The following DGKK variants were observed in gnomAD, a reference collection of about 807,000 sequenced individuals.
DGKK encodes 142 kDa diacylglycerol kinase.
Under a neutral mutation model 92.2 loss-of-function variants are expected in DGKK, and 35 were observed. The ratio of observed to expected loss-of-function variants is 0.38; its 90% CI spans 0.29 to 0.50. DGKK has a LOEUF of 0.50. Among genes scored for constraint, DGKK ranks in the 20% least tolerant of loss-of-function variants. The pLI is 0.92. For synonymous variants in DGKK, 368 were observed against 360.6 expected, an observed-to-expected ratio of 1.02 and a Z score of -0.23; for missense variants, 910 against 992.2, an observed-to-expected ratio of 0.92 and a Z score of 1.11.
chrX:50,426,461 C>T (rs1430792022), intron 1 of DGKK, among the ~76,000 whole-genome samples: 13 of 111,896 alleles, frequency 1.2e-4, no homozygotes, highest in African/African-American at 3.6e-4. Context: ...AATGATATTA[C>T]TATGAGCAAG....
intron 2 of DGKK, among the ~76,000 whole-genome samples, chrX:50,422,872 C>G (rs1925634739): frequency 8.9e-6 from 1 of 112,026 alleles, no homozygotes; most frequent in South Asian, 3.8e-4. Flanking sequence ...TAACTAGAGT[C>G]CTAGAGAAAC....
At chrX:50,380,853 G>T (rs782373552) in intron 18 of DGKK, among the ~76,000 whole-genome samples, 2 of 111,703 alleles carry the variant, frequency 1.8e-5, no homozygotes, top group Non-Finnish European at 3.8e-5. Context: ...CAAAATTATT[G>T]AGACACTGTT....
chrX:50,387,296 C>A (rs1403607706), intron 14 of DGKK, among the ~76,000 whole-genome samples: 5 of 111,635 alleles, frequency 4.5e-5, no homozygotes, highest in Admixed American at 9.5e-5. Context: ...CACATACCTG[C>A]TTGATGTACA....
chrX:50,376,145 A>C lies in DGKK; in HGVS notation c.3293T>G (p.Ile1098Ser). The stretch of plus-strand genomic sequence containing the variant: ...CATGAGGACAGACACATGCTGGTGG[A>C]TCTTGCTCAGGTCATTAAGTCTGTA... ...LISKLNDLSK[I>S]HQHVSVLMGS... Residue 1098 changes from isoleucine to serine, a missense_variant, in exon 24 of 28, where the codon ATC (isoleucine) becomes AGC (serine). Transcript: ENST00000611977. 1 of 1,210,881 alleles carries C rather than the reference A, an allele frequency of 8.3e-7. No individual in the cohort carries two copies.
At chrX:50,403,014 T>C in intron 7 of DGKK, 47 bp downstream of exon 7, 1 of 1,194,905 alleles carries the variant, frequency 8.4e-7, no homozygotes, top group Non-Finnish European at 1.1e-6. Flanking sequence ...AGCCACTCCC[T>C]CGCCAGGAGT....
intron 8 of DGKK, among the ~76,000 whole-genome samples, chrX:50,396,259 T>C (rs1470970973): frequency 8.9e-6 from 1 of 111,954 alleles, no homozygotes; most frequent in African/African-American, 3.2e-5. Flanking sequence ...TATCTATTTA[T>C]ATTTACTGGT....
chrX:50,384,357 G>T, intron 16 of DGKK, 93 bp from the exon 17 acceptor site: 1 of 576,271 alleles, frequency 1.7e-6, no homozygotes, highest in African/African-American at 2.3e-5. Context: ...TGTGGAGGCA[G>T]GGTCAAGCTC....
intron 1 of DGKK, among the ~76,000 whole-genome samples, chrX:50,454,877 A>G (rs1219229947): frequency 8.9e-6 from 1 of 112,036 alleles, no homozygotes; most frequent in African/African-American, 3.2e-5. Context: ...TTACAAGAAA[A>G]GCCTCCTCCA....
chrX:50,387,094 G>A (rs947566248), intron 14 of DGKK, among the ~76,000 whole-genome samples: 1 of 111,328 alleles, frequency 9.0e-6, no homozygotes, highest in Non-Finnish European at 1.9e-5. Flanking sequence ...TTTCTTAACC[G>A]CTTTGTGCCT....
intron 9 of DGKK, among the ~76,000 whole-genome samples, chrX:50,392,940 T>C (rs139884506): frequency 0.023 from 2,547 of 112,506 alleles, 65 homozygotes; most frequent in African/African-American, 0.078. Context: ...GGCTTGGACA[T>C]GGGCTTGAAG....
chrX:50,378,364 C>T (rs1321129957), intron 21 of DGKK, 132 bp from the exon 22 acceptor site: 4 of 960,570 alleles, frequency 4.2e-6, no homozygotes, highest in Non-Finnish European at 5.6e-6. Context: ...TCAGATCATC[C>T]CAGGAAGAAA....
At position 50,371,717 on chromosome X, in the gene DGKK, T is replaced by A; in HGVS notation, c.3612+7A>T. ...CCCTTTATTTCCCAATTCCCAAGAT[T>A]ACGCACCTCTGGAACAAAGATTGGA... On this transcript the variant is annotated splice_region_variant and intron_variant, in intron 26 of 27. Transcript: ENST00000611977. 4 of 1,166,261 alleles carry A rather than the reference T, an allele frequency of 3.4e-6. No homozygotes were observed. The South Asian group carries it at 7.4e-5, about 21-fold the overall frequency.
At chrX:50,399,863 AG>A (rs1379733961) in intron 8 of DGKK, among the ~76,000 whole-genome samples, 4 of 112,081 alleles carry the variant, frequency 3.6e-5, no homozygotes, top group African/African-American at 1.3e-4. Flanking sequence ...AGAGTCTCTC[AG>A]AAAAAACAAA....
intron 25 of DGKK, among the ~76,000 whole-genome samples, chrX:50,374,659 CA>C (rs1481377571): frequency 1.8e-5 from 2 of 111,333 alleles, no homozygotes; most frequent in African/African-American, 6.5e-5. Context: ...CAAAATAGCT[CA>C]CCTTTTTCTA....
At chrX:50,378,529 C>A (rs782615440) in intron 21 of DGKK, 49 bp downstream of exon 21, 112 of 1,034,203 alleles carry the variant, frequency 1.1e-4, no homozygotes. Context: ...TCCTGGGTAG[C>A]AGTCAAAAAC....
intron 1 of DGKK, among the ~76,000 whole-genome samples, chrX:50,427,609 A>G (rs868992648): frequency 1.0e-5 from 1 of 97,876 alleles, no homozygotes; most frequent in Non-Finnish European, 2.0e-5. Context: ...TAATAATAAT[A>G]ATGATTGTCT....
chrX:50,456,139 TG>T (rs1159408700), intron 1 of DGKK, among the ~76,000 whole-genome samples: 2 of 111,873 alleles, frequency 1.8e-5, no homozygotes, highest in African/African-American at 6.5e-5. Flanking sequence ...AGGTGCCTGT[TG>T]GGGTTTCCTG....
chrX:50,444,829 A>T (rs1274048629), intron 1 of DGKK, among the ~76,000 whole-genome samples: 1 of 111,386 alleles, frequency 9.0e-6, no homozygotes. Context: ...TTGCTGGGTC[A>T]AATGGTAGCT....
In DGKK at chrX:50,419,761, T is replaced by C. The variant is rs1265989689; in HGVS notation, c.942+642A>G. Among the ~76,000 whole-genome samples, 4 of 111,850 alleles carry C rather than the reference T, an allele frequency of 3.6e-5. No homozygotes were observed. In the Admixed American group the frequency reaches 3.8e-4, roughly 11 times the overall value. ...TCTATAGAAGGGCAGGCAGAGTGTA[T>C]CTCCTGAAGTTTGATTGCACCAGTT... On this transcript the variant is annotated intron_variant, in intron 4 of 27. Transcript: ENST00000611977.
Sources: gnomAD v4.1 joint callset for allele counts (sites outside exome capture counted in the v4.1 genomes callset) on GRCh38, gnomAD v4.1.1 for gene constraint, MANE v1.5 for transcripts, NCBI Gene and HGNC (gene_info 2026-07-23, HGNC 2026-07-21) for gene names.